TAFA5: variants seen among roughly 807,000 people sequenced by gnomAD.
The protein encoded by TAFA5 is TAFA chemokine like family member 5, also known as chemokine-like protein TAFA-5.
A neutral mutation model predicts 15.3 loss-of-function variants in TAFA5; 6 were observed. The observed-to-expected ratio is 0.39, with a 90% confidence interval of 0.21 to 0.77. The LOEUF (loss-of-function observed/expected upper bound fraction) is 0.77. TAFA5 is among the 30% of genes least tolerant of loss of function. The pLI is 0.41. For synonymous variants in TAFA5, 103 were observed against 80.7 expected (o/e 1.28, Z -1.48); for missense variants, 161 against 193.1 (o/e 0.83, Z 0.98).
intron 1 of TAFA5, among the ~76,000 whole-genome samples, chr22:48,606,532 A>AT (rs1925199719): frequency 6.6e-6 from 1 of 152,218 alleles, no homozygotes; most frequent in African/African-American, 2.4e-5. Flanking sequence ...GGAAATGAGG[A>AT]TTTGGAGTGG....
rs897422557 is a variant in TAFA5 at position 48,657,721 on chromosome 22, T to C, written c.262+10975T>C. Among the ~76,000 whole-genome samples, 9 of 152,184 alleles carry C rather than the reference T, an allele frequency of 5.9e-5. No homozygotes were observed. In the South Asian group the frequency reaches 1.5e-3, roughly 25 times the overall value. On this transcript the variant is annotated intron_variant, in intron 2 of 3. Coordinates refer to ENST00000402357, the MANE Select transcript of TAFA5 (RefSeq NM_001082967.3). The stretch of plus-strand genomic sequence containing the variant: ...CATGCCTGCATCTCCAGCACAGACC[T>C]GTGCCCTGAGTATGTAAAGGCGCTC...
chr22:48,558,627 C>T (rs979852003), intron 1 of TAFA5, among the ~76,000 whole-genome samples: 1 of 152,186 alleles, frequency 6.6e-6, no homozygotes. Context: ...ATTCATTTGG[C>T]CAACCAGGAA....
intron 2 of TAFA5, 54 bp from the exon 3 acceptor site, chr22:48,707,662 AC>A: frequency 6.3e-7 from 1 of 1,589,288 alleles, no homozygotes; most frequent in East Asian, 2.3e-5. Flanking sequence ...CCTCAGCAAC[AC>A]CCTCACGATC....
chr22:48,604,051 CTG>C (rs1276317348), intron 1 of TAFA5, among the ~76,000 whole-genome samples: 2 of 152,200 alleles, frequency 1.3e-5, no homozygotes, highest in African/African-American at 4.8e-5. Context: ...CAGCACTGGA[CTG>C]TGTGTGTCTC....
At chr22:48,740,418 A>G (rs1930146921) in intron 3 of TAFA5, among the ~76,000 whole-genome samples, 1 of 152,184 alleles carries the variant, frequency 6.6e-6, no homozygotes, top group Non-Finnish European at 1.5e-5. Context: ...AGACACAGCA[A>G]TAGCCTTCAC....
chr22:48,596,329 G>A (rs1306254996), intron 1 of TAFA5, among the ~76,000 whole-genome samples: 1 of 152,172 alleles, frequency 6.6e-6, no homozygotes, highest in African/African-American at 2.4e-5. Context: ...TGGGTTCTGG[G>A]CCCTGGGCTC....
At chr22:48,721,090 A>G (rs1929555856) in intron 3 of TAFA5, among the ~76,000 whole-genome samples, 1 of 152,210 alleles carries the variant, frequency 6.6e-6, no homozygotes, top group Non-Finnish European at 1.5e-5. Flanking sequence ...CCAAGCAGGA[A>G]GGTGGACGTG....
Position 48,515,062 on chromosome 22 carries a change from G to A in TAFA5, c.112+25358G>A, listed in dbSNP as rs187330547. 5.9e-4 allele frequency among the ~76,000 whole-genome samples: 88 copies of A among 150,228 alleles called. 2 individuals carry two copies. In the East Asian group the frequency reaches 0.014, roughly 23 times the overall value. ...TCAGATAAGCAGGTGCAGAGCTGGCGAATGCAGGAGCCCAGGCTTGCGCAG... is the reference window on the plus strand; with the variant it reads ...TCAGATAAGCAGGTGCAGAGCTGGCAAATGCAGGAGCCCAGGCTTGCGCAG... On this transcript the variant is annotated intron_variant, in intron 1 of 3. Transcript: ENST00000402357.
chr22:48,608,827 C>T (rs1012713658), intron 1 of TAFA5, among the ~76,000 whole-genome samples: 6 of 152,318 alleles, frequency 3.9e-5, no homozygotes, highest in African/African-American at 7.2e-5. Flanking sequence ...GGCAGGCACC[C>T]GACGCTCGGG....
At chr22:48,668,454 C>T (rs1236827624) in intron 2 of TAFA5, among the ~76,000 whole-genome samples, 2 of 24,098 alleles carry the variant, frequency 8.3e-5, no homozygotes, top group Non-Finnish European at 1.2e-4. Flanking sequence ...CACTCAGGGC[C>T]GCATCTTCAC....
intron 1 of TAFA5, among the ~76,000 whole-genome samples, chr22:48,569,236 C>T (rs748108175): frequency 6.6e-6 from 1 of 152,190 alleles, no homozygotes; most frequent in Non-Finnish European, 1.5e-5. Context: ...GGATGCAGGG[C>T]CACGGGCCGT....
At chr22:48,572,040 T>C (rs994352961) in intron 1 of TAFA5, among the ~76,000 whole-genome samples, 2 of 152,200 alleles carry the variant, frequency 1.3e-5, no homozygotes, top group African/African-American at 2.4e-5. Context: ...CTCTTATTGA[T>C]ACCATATTAT....
At chr22:48,698,862 G>A (rs974996731) in intron 2 of TAFA5, among the ~76,000 whole-genome samples, 1 of 150,866 alleles carries the variant, frequency 6.6e-6, no homozygotes, top group Admixed American at 6.6e-5. Context: ...ACAAGCTCCA[G>A]CACTAACTGT....
chr22:48,524,290 G>A (rs925295501), intron 1 of TAFA5, among the ~76,000 whole-genome samples: 1 of 152,174 alleles, frequency 6.6e-6, no homozygotes, highest in Non-Finnish European at 1.5e-5. Context: ...GCTGGGCTGC[G>A]CCTTTGGCGT....
At chr22:48,644,127 C>T (rs1379791023) in intron 1 of TAFA5, among the ~76,000 whole-genome samples, 2 of 152,230 alleles carry the variant, frequency 1.3e-5, no homozygotes, top group East Asian at 3.9e-4. Context: ...TCTTCTCTTG[C>T]TCATTTGGTG....
intron 3 of TAFA5, among the ~76,000 whole-genome samples, chr22:48,721,073 T>A (rs1268841435): frequency 1.3e-5 from 2 of 152,114 alleles, no homozygotes; most frequent in Non-Finnish European, 2.9e-5. Flanking sequence ...CCCCACTGTG[T>A]GGTTGCCCAA....
chr22:48,715,340 G>T (rs572096631), intron 3 of TAFA5, among the ~76,000 whole-genome samples: 1 of 152,264 alleles, frequency 6.6e-6, no homozygotes, highest in Admixed American at 6.5e-5. Flanking sequence ...AGCGAGGAAC[G>T]TAGAGGCCGC....
At chr22:48,514,431 C>G (rs1433679820) in intron 1 of TAFA5, among the ~76,000 whole-genome samples, 2 of 152,340 alleles carry the variant, frequency 1.3e-5, no homozygotes, top group East Asian at 3.9e-4. Flanking sequence ...CAGGGAATAA[C>G]TTCGCCATGA....
At chr22:48,492,323 C>A (rs1047675260) in intron 1 of TAFA5, among the ~76,000 whole-genome samples, 2 of 152,168 alleles carry the variant, frequency 1.3e-5, no homozygotes, top group East Asian at 3.8e-4. Context: ...ATATTTGTAT[C>A]ATATTAATTA....
Sources: allele counts gnomAD v4.1 joint callset (sites outside exome capture counted in the v4.1 genomes callset), GRCh38; gene constraint gnomAD v4.1.1; transcripts MANE v1.5; gene names NCBI Gene and HGNC (gene_info 2026-07-23, HGNC 2026-07-21).